The following TARS1 variants were observed in gnomAD, a reference collection of about 807,000 sequenced individuals.
The protein encoded by TARS1 is threonyl-tRNA synthetase 1, also known as threonine--tRNA ligase 1, cytoplasmic.
TARS1 carries 57 observed loss-of-function variants against 97.7 expected under a neutral mutation model. The observed-to-expected ratio is 0.58, with a 90% CI of 0.47 to 0.73. The LOEUF (loss-of-function observed/expected upper bound fraction) is 0.73. Ranked by LOEUF, TARS1 falls within the 30% of genes least tolerant of loss-of-function variation. TARS1 has a pLI of 0.00. For missense variants in TARS1, 806 were observed against 888.3 expected, an observed-to-expected ratio of 0.91 and a Z score of 1.18; for synonymous variants, 312 against 293.7, an observed-to-expected ratio of 1.06 and a Z score of -0.64.
rs1741356535 is a variant in TARS1, at chr5:33,445,305, A to C, written c.58-19A>C. The C allele has an allele frequency of 6.3e-7, 1 of 1,598,438 alleles. No individual in the cohort carries two copies. Among genetic ancestry groups the C allele is most frequent in the Admixed American group, 1.7e-5 (1 of 58,674 alleles). On this transcript the variant is annotated intron_variant, in intron 1 of 18. Transcript: ENST00000265112. ...GTGTCACATTAGATTAAAATATAAAACGTTTTTTGCTTATTTAGATTGGTG... is the reference window on the plus strand; with the variant it reads ...GTGTCACATTAGATTAAAATATAAACCGTTTTTTGCTTATTTAGATTGGTG...
chr5:33,463,676 G>A (rs1241766499), intron 16 of TARS1, 77 bp from the exon 17 acceptor site: 2 of 1,271,884 alleles, frequency 1.6e-6, no homozygotes, highest in African/African-American at 1.5e-5. Flanking sequence ...ATACTGAAGA[G>A]TAGAGTAAGA....
intron 13 of TARS1, 27 bp from the exon 14 acceptor site, chr5:33,461,640 A>C: frequency 6.3e-7 from 1 of 1,599,936 alleles, no homozygotes; most frequent in Non-Finnish European, 8.5e-7. Context: ...GATGAAAAAA[A>C]TAAAAATCAT....
chr5:33,441,008 G>A lies in TARS1; in HGVS notation c.-79G>A. 5 of 1,589,056 alleles carry A rather than the reference G, an allele frequency of 3.1e-6. No individual in the cohort carries two copies. The highest frequency in any genetic ancestry group is 2.2e-5 in the East Asian group (1 of 44,618). The stretch of plus-strand genomic sequence containing the variant: ...AGCCGAGGCCAAGTCCCGGGCGCTA[G>A]CCCACCTCCCACCCGCCTCTTGGCT... On this transcript the variant is annotated 5_prime_UTR_variant, in exon 1 of 19. Coordinates refer to ENST00000265112, the MANE Select transcript of TARS1 (RefSeq NM_152295.5).
chr5:33,450,453 A>G (rs543891260), intron 3 of TARS1, among the ~76,000 whole-genome samples: 1 of 152,210 alleles, frequency 6.6e-6, no homozygotes, highest in Non-Finnish European at 1.5e-5. Flanking sequence ...ATTAGTTAGT[A>G]CTTTTTACAA....
At chr5:33,467,360 A>T (rs920044922) in intron 18 of TARS1, among the ~76,000 whole-genome samples, 200 bp from the exon 19 acceptor site, 1 of 152,214 alleles carries the variant, frequency 6.6e-6, no homozygotes, top group African/African-American at 2.4e-5. Context: ...CGTTGTCTAG[A>T]TTGACTCCAT....
At chr5:33,456,321 C>A in intron 8 of TARS1, 94 bp downstream of exon 8, 1 of 1,000,542 alleles carries the variant, frequency 1.0e-6, no homozygotes, top group Non-Finnish European at 1.5e-6. Flanking sequence ...TTTTCTGTTG[C>A]ACATGAAAGG....
rs371022780 is a variant in TARS1, at chr5:33,467,753, G to A, written c.*45G>A. The A allele has an allele frequency of 2.2e-5, 34 of 1,574,996 alleles. No individual in the cohort carries two copies. The highest frequency in any genetic ancestry group is 2.0e-4 in the South Asian group (17 of 85,496). On this transcript the variant is annotated 3_prime_UTR_variant, in exon 19 of 19. Coordinates refer to ENST00000265112, the MANE Select transcript of TARS1 (RefSeq NM_152295.5). Reference sequence around the variant, plus strand: ...GGCTCCATGGAAAAGGAGGAACAGCGTTTCCGTAAAATTGACTTTGTACTC... The same window carrying A: ...GGCTCCATGGAAAAGGAGGAACAGCATTTCCGTAAAATTGACTTTGTACTC...
chr5:33,461,598 G>T, intron 13 of TARS1, 69 bp from the exon 14 acceptor site: 1 of 1,452,002 alleles, frequency 6.9e-7, no homozygotes, highest in African/African-American at 1.4e-5. Flanking sequence ...TGTATTTTTA[G>T]TCTCAAATTA....
Position 33,441,216 on chromosome 5 carries a change from A to AGCGGGGG in TARS1, c.57+76_57+82dup. Reference sequence around the variant, plus strand: ...GTGCAGACGCTACGCTCGCGGCGGGAGCGGGGGGCAGGAAGCAGGAAGCGG... The same window carrying AGCGGGGG: ...GTGCAGACGCTACGCTCGCGGCGGGAGCGGGGGGCGGGGGGCAGGAAGCAGGAAGCGG... On this transcript the variant is annotated intron_variant, in intron 1 of 18. Transcript: ENST00000265112. The AGCGGGGG allele has an allele frequency of 2.5e-6, 4 of 1,583,564 alleles. No individual in the cohort carries two copies. In the South Asian group the frequency reaches 3.3e-5, roughly 13 times the overall value.
chr5:33,454,637 T>G (rs1741923533), intron 4 of TARS1, among the ~76,000 whole-genome samples: 1 of 152,256 alleles, frequency 6.6e-6, no homozygotes, highest in Non-Finnish European at 1.5e-5. Context: ...TTAGTCACAT[T>G]GTGAGTAGCA....
intron 2 of TARS1, chr5:33,446,806 G>GCATGGAAGTTGGCATGCATGGAA: frequency 8.3e-7 from 1 of 1,208,086 alleles, no homozygotes; most frequent in Non-Finnish European, 1.1e-6. Context: ...GATGGAACTG[G>GCATGGAAGTTGGCATGCATGGAA]GTACTGTGCA....
At chr5:33,442,320 C>CTTTT (rs763508345) in intron 1 of TARS1, among the ~76,000 whole-genome samples, 20 of 104,610 alleles carry the variant, frequency 1.9e-4, no homozygotes, top group South Asian at 3.4e-4. Context: ...TGTTTTGTAA[C>CTTTT]TTTTTTTTTT....
intron 4 of TARS1, 90 bp downstream of exon 4, chr5:33,453,502 T>C: frequency 6.8e-7 from 1 of 1,469,922 alleles, no homozygotes; most frequent in South Asian, 1.2e-5. Flanking sequence ...ATTGGGTGGC[T>C]AACATTTATT....
chr5:33,444,082 A>C (rs1231147286), intron 1 of TARS1, among the ~76,000 whole-genome samples: 2 of 152,376 alleles, frequency 1.3e-5, no homozygotes, highest in African/African-American at 2.4e-5. Flanking sequence ...AAAAAGGTAC[A>C]ATGACAAGTA....
chr5:33,443,330 T>A lies in TARS1; in HGVS notation c.58-1994T>A, dbSNP rs962430113. 2.7e-3 allele frequency among the ~76,000 whole-genome samples: 281 copies of A among 105,056 alleles called. 2 individuals are homozygous for A. Among genetic ancestry groups the A allele is most frequent in the African/African-American group, 0.011 (268 of 24,308 alleles). 68.9% of individuals were successfully genotyped at this position (105,056 alleles called of 152,430 possible). ...CCCTCTCTCTCTCTCCCTCTCTCTCTCTCTCTCTCTCTCTCTCTCTCTCTC... is the reference window on the plus strand; with the variant it reads ...CCCTCTCTCTCTCTCCCTCTCTCTCACTCTCTCTCTCTCTCTCTCTCTCTC... On this transcript the variant is annotated intron_variant, in intron 1 of 18. Coordinates refer to ENST00000265112, the MANE Select transcript of TARS1 (RefSeq NM_152295.5).
rs184872079 is a variant in TARS1 at position 33,444,345 on chromosome 5, A to T, written c.58-979A>T. Among the ~76,000 whole-genome samples the T allele has an allele frequency of 5.7e-4, 87 of 152,362 alleles. No individual in the cohort carries two copies. In the East Asian group the frequency reaches 0.016, roughly 28 times the overall value. On this transcript the variant is annotated intron_variant, in intron 1 of 18. Coordinates refer to ENST00000265112, the MANE Select transcript of TARS1 (RefSeq NM_152295.5). ...TAAAATTGATGGTAGTGATAGTTGC[A>T]AAACAGTGAATACCTAAAAACCATT...
At chr5:33,446,358 T>C (rs971567216) in intron 2 of TARS1, among the ~76,000 whole-genome samples, 1 of 152,218 alleles carries the variant, frequency 6.6e-6, no homozygotes. Flanking sequence ...TGATTGTGAA[T>C]TTTAAAATTT....
chr5:33,442,394 G>A (rs867532112), intron 1 of TARS1, among the ~76,000 whole-genome samples: 59 of 136,480 alleles, frequency 4.3e-4, no homozygotes, highest in African/African-American at 1.6e-3. Flanking sequence ...ATTCTCCTGT[G>A]CTATTCTTAA....
At chr5:33,447,395 C>A (rs545902708) in intron 2 of TARS1, among the ~76,000 whole-genome samples, 1 of 152,042 alleles carries the variant, frequency 6.6e-6, no homozygotes, top group Admixed American at 6.5e-5. Context: ...TACAGGTGTG[C>A]GCCACCACAC....
Sources: allele counts gnomAD v4.1 joint callset (sites outside exome capture counted in the v4.1 genomes callset), GRCh38; gene constraint gnomAD v4.1.1; transcripts MANE v1.5; gene names NCBI Gene and HGNC (gene_info 2026-07-23, HGNC 2026-07-21).